TBC1D5: variants seen among roughly 807,000 people sequenced by gnomAD.
TBC1D5 encodes the protein TBC1 domain family member 5.
TBC1D5 carries 75 observed loss-of-function variants against 100.3 expected under a neutral mutation model. The ratio of observed to expected loss-of-function variants is 0.75; its 90% CI spans 0.62 to 0.91. The LOEUF (loss-of-function observed/expected upper bound fraction) is 0.91, where lower values mean the gene tolerates loss of function less well. TBC1D5 is among the 40% of genes least tolerant of loss of function. TBC1D5 has a pLI of 0.00. For synonymous variants in TBC1D5, 323 were observed against 325.6 expected, an observed-to-expected ratio of 0.99 and a Z score of 0.09; for missense variants, 910 against 942.4, an observed-to-expected ratio of 0.97 and a Z score of 0.45.
chr3:17,467,983 G>C (rs532804556), intron 3 of TBC1D5, among the ~76,000 whole-genome samples: 1 of 152,302 alleles, frequency 6.6e-6, no homozygotes, highest in South Asian at 2.1e-4. Context: ...CTGACTCCAA[G>C]TGAAGTAAAG....
chr3:17,161,153 C>A (rs749836541), exon 22 of TBC1D5: 9 of 1,614,090 alleles, frequency 5.6e-6, no homozygotes, highest in African/African-American at 1.3e-5. Context: ...CTGGGCCTGG[C>A]CGGAGAAGGA....
At chr3:17,679,431 C>T (rs2069145526) in intron 1 of TBC1D5, among the ~76,000 whole-genome samples, 1 of 151,348 alleles carries the variant, frequency 6.6e-6, no homozygotes, top group Non-Finnish European at 1.5e-5. Flanking sequence ...AAAAATGAAA[C>T]TTCAATATTC....
intron 3 of TBC1D5, among the ~76,000 whole-genome samples, chr3:17,458,560 T>G (rs1482545892): frequency 6.6e-6 from 1 of 152,176 alleles, no homozygotes; most frequent in African/African-American, 2.4e-5. Context: ...ACGATCATCT[T>G]AGTTGATCTC....
At chr3:17,246,303 C>A (rs916376402) in intron 16 of TBC1D5, among the ~76,000 whole-genome samples, 1 of 152,040 alleles carries the variant, frequency 6.6e-6, no homozygotes, top group East Asian at 1.9e-4. Flanking sequence ...GATGAGATAG[C>A]CCATGTTCAT....
chr3:17,676,095 C>T (rs1039299687), intron 1 of TBC1D5, among the ~76,000 whole-genome samples: 1 of 151,846 alleles, frequency 6.6e-6, no homozygotes, highest in East Asian at 1.9e-4. Flanking sequence ...TCTCTGATTA[C>T]CCCAGGATGA....
chr3:17,207,469 C>G (rs2072360494), intron 18 of TBC1D5, among the ~76,000 whole-genome samples: 1 of 152,140 alleles, frequency 6.6e-6, no homozygotes, highest in Admixed American at 6.5e-5. Context: ...AAACTTTCTA[C>G]TAGTTTTCAC....
At chr3:17,214,139 C>A in intron 18 of TBC1D5, 68 bp downstream of exon 19, 1 of 1,495,466 alleles carries the variant, frequency 6.7e-7, no homozygotes, top group Non-Finnish European at 8.9e-7. Flanking sequence ...ACTAACAGAG[C>A]TTTCATAAAT....
chr3:17,166,992 A>G (rs41285047), intron 20 of TBC1D5, 64 bp from the exon 22 acceptor site: 131,962 of 1,457,114 alleles, frequency 0.091, 6,456 homozygotes, highest in African/African-American at 0.12. Flanking sequence ...GATGCTAGCT[A>G]AATCTCTCAG....
intron 2 of TBC1D5, among the ~76,000 whole-genome samples, chr3:17,522,174 T>C (rs958559223): frequency 2.0e-5 from 3 of 152,102 alleles, no homozygotes; most frequent in African/African-American, 7.2e-5. Flanking sequence ...TTGAGTATCA[T>C]TGCAAAGTGA....
At chr3:17,342,715 G>C (rs1187378158) in intron 13 of TBC1D5, among the ~76,000 whole-genome samples, 1 of 152,040 alleles carries the variant, frequency 6.6e-6, no homozygotes, top group Non-Finnish European at 1.5e-5. Context: ...AATTATTTTG[G>C]ATTATGCTTT....
chr3:17,562,674 G>A (rs1430589206), intron 2 of TBC1D5, among the ~76,000 whole-genome samples: 4 of 152,132 alleles, frequency 2.6e-5, no homozygotes, highest in African/African-American at 7.2e-5. Flanking sequence ...CAGTCTTGGT[G>A]CATTGTGAAA....
At chr3:17,444,642 A>G (rs1051759040) in intron 3 of TBC1D5, among the ~76,000 whole-genome samples, 16 of 152,082 alleles carry the variant, frequency 1.1e-4, no homozygotes, top group Admixed American at 2.0e-4. Flanking sequence ...AAACCACAAA[A>G]CAAATAGAAA....
At chr3:17,544,669 C>CAAAAAAAAAAAAA in intron 2 of TBC1D5, among the ~76,000 whole-genome samples, 1 of 130,218 alleles carries the variant, frequency 7.7e-6, no homozygotes, top group Non-Finnish European at 1.6e-5. Flanking sequence ...AAAAAAAAAG[C>CAAAAAAAAAAAAA]ACCTTAAGAA....
intron 1 of TBC1D5, among the ~76,000 whole-genome samples, chr3:17,737,200 T>C (rs975608929): frequency 5.3e-5 from 8 of 152,294 alleles, no homozygotes; most frequent in Admixed American, 3.9e-4. Flanking sequence ...ATGGTGCTTA[T>C]GTCAGAAGTG....
At chr3:17,726,926 A>G (rs1232744459) in intron 1 of TBC1D5, among the ~76,000 whole-genome samples, 1 of 152,232 alleles carries the variant, frequency 6.6e-6, no homozygotes, top group Non-Finnish European at 1.5e-5. Context: ...GATTCCACCA[A>G]TACTGTCTAG....
At chr3:17,596,400 C>T (rs2060569308) in intron 2 of TBC1D5, among the ~76,000 whole-genome samples, 1 of 149,352 alleles carries the variant, frequency 6.7e-6, no homozygotes, top group Non-Finnish European at 1.5e-5. Flanking sequence ...CTCACTGCAA[C>T]CTCTGCCTCC....
At chr3:17,635,931 G>A (rs1312907748) in intron 1 of TBC1D5, among the ~76,000 whole-genome samples, 1 of 152,196 alleles carries the variant, frequency 6.6e-6, no homozygotes, top group African/African-American at 2.4e-5. Context: ...GGTGACTCAT[G>A]CCTGTAATCT....
chr3:17,246,860 C>CTG (rs1264998690), intron 16 of TBC1D5, among the ~76,000 whole-genome samples: 1 of 152,220 alleles, frequency 6.6e-6, no homozygotes, highest in Non-Finnish European at 1.5e-5. Flanking sequence ...TGCCCAAAGC[C>CTG]TGTACCTTTC....
intron 16 of TBC1D5, among the ~76,000 whole-genome samples, chr3:17,250,129 A>G (rs1017817603): frequency 6.6e-6 from 1 of 152,230 alleles, no homozygotes; most frequent in African/African-American, 2.4e-5. Context: ...CAGTGCTTGT[A>G]ATAATCCCCA....
Sources: allele counts gnomAD v4.1 joint callset (sites outside exome capture counted in the v4.1 genomes callset), GRCh38; gene constraint gnomAD v4.1.1; transcripts MANE v1.5; gene names NCBI Gene and HGNC (gene_info 2026-07-23, HGNC 2026-07-21).